Variants in EIF4E1B observed in about 807,000 individuals in gnomAD.
EIF4E1B encodes eukaryotic translation initiation factor 4E type 1B.
EIF4E1B carries 22 observed loss-of-function variants against 31.3 expected under a neutral mutation model. That is an observed-to-expected ratio of 0.70 (90% confidence interval 0.50 to 1.00). The LOEUF (loss-of-function observed/expected upper bound fraction) is 1.00. Ranked by LOEUF, EIF4E1B falls within the 50% of genes least tolerant of loss-of-function variation. The pLI, the probability that EIF4E1B is intolerant of heterozygous loss-of-function variation, is 0.00. For missense variants in EIF4E1B, 290 were observed against 311.6 expected (o/e 0.93, Z 0.52); for synonymous variants, 126 against 120.2 (o/e 1.05, Z -0.31).
intron 1 of EIF4E1B, chr5:176,641,668 G>C (rs1008700685): frequency 1.3e-5 from 2 of 152,400 alleles, no homozygotes; most frequent in Non-Finnish European, 2.9e-5. Context: ...ACGTACCAGG[G>C]CTTAAGGCTG....
Position 176,642,865 on chromosome 5 carries a change from C to CCCCCCCCCCCCCCCG in EIF4E1B, c.15+63_15+64insCCCCCCCCCCCCCCG, listed in dbSNP as rs56115420. Reference sequence around the variant, plus strand: ...GCCCCGCCCTCTCCCCCCCCCCCCCCGCCCCAGGTGGGCGGGGCAGGTGCT... The same window carrying CCCCCCCCCCCCCCCG: ...GCCCCGCCCTCTCCCCCCCCCCCCCCCCCCCCCCCCCCCCGGCCCCAGGTGGGCGGGGCAGGTGCT... On this transcript the variant is annotated intron_variant, in intron 3 of 8. Transcript: ENST00000318682. 1,257 of 1,172,242 alleles carry CCCCCCCCCCCCCCCG rather than the reference C, an allele frequency of 1.1e-3. 181 individuals carry two copies. Among genetic ancestry groups the CCCCCCCCCCCCCCCG allele is most frequent in the East Asian group, 4.9e-3 (104 of 21,300 alleles). The allele number at this position is 1,172,242 out of a possible 1,614,324, so 72.6% of individuals were successfully genotyped here. A position where few individuals can be genotyped will look rare whatever the true frequency, so the allele number is the denominator to read the frequency against.
intron 3 of EIF4E1B, 52 bp downstream of exon 3, chr5:176,642,854 C>CA (rs1760606805): frequency 1.1e-5 from 14 of 1,253,428 alleles, no homozygotes; most frequent in South Asian, 8.6e-5. Context: ...CGCCCTCTCC[C>CA]CCCCCCCCCC....
Position 176,645,084 on chromosome 5 carries a change from T to A in EIF4E1B, c.361-46T>A, listed in dbSNP as rs200511687. On this transcript the variant is annotated intron_variant, in intron 6 of 8. Transcript: ENST00000318682. The surrounding 1 kb of genome is among the most constrained non-coding windows in gnomAD (Gnocchi z 5.4). ...CCGGGATGGTGGGTGGGTCCCCATT[T>A]CCCTTTGAACACAGGGAGGCAGTTG... The A allele has an allele frequency of 2.4e-5, 37 of 1,513,880 alleles. No homozygotes were observed. In the South Asian group the frequency reaches 4.3e-4, roughly 18 times the overall value. The allele number at this position is 1,513,880 out of a possible 1,614,324, so 93.8% of individuals were successfully genotyped here.
intron 3 of EIF4E1B, 104 bp from the exon 4 acceptor site, chr5:176,642,978 G>A: frequency 6.6e-7 from 1 of 1,508,216 alleles, no homozygotes; most frequent in Non-Finnish European, 8.9e-7. Flanking sequence ...AAGGCCTTGT[G>A]AGTCCCCTGC....
chr5:176,644,300 TG>T, intron 5 of EIF4E1B, 75 bp from the exon 6 acceptor site: 1 of 1,469,014 alleles, frequency 6.8e-7, no homozygotes, highest in Non-Finnish European at 9.2e-7. Flanking sequence ...GATGAGGAGT[TG>T]GGAGGGCTGA....
chr5:176,643,847 G>C (rs1760642641), intron 5 of EIF4E1B, 113 bp downstream of exon 5: 1 of 1,142,878 alleles, frequency 8.7e-7, no homozygotes, highest in South Asian at 1.5e-5. Context: ...GAGGGCTGGG[G>C]CTTTGTGGGT....
intron 4 of EIF4E1B, 53 bp from the exon 5 acceptor site, chr5:176,643,586 G>A (rs1033578220): frequency 1.3e-6 from 2 of 1,535,404 alleles, no homozygotes; most frequent in East Asian, 2.4e-5. Flanking sequence ...GGTGCCCCGG[G>A]GGTGGACTTG....
chr5:176,642,834 AC>A (rs1370762226), intron 3 of EIF4E1B, 32 bp downstream of exon 3: 43 of 1,462,880 alleles, frequency 2.9e-5, no homozygotes, highest in Non-Finnish European at 3.9e-5. Flanking sequence ...CCCCCAGTGC[AC>A]CATGGCCCCG....
intron 1 of EIF4E1B, among the ~76,000 whole-genome samples, chr5:176,637,060 C>T (rs550234879): frequency 6.6e-6 from 1 of 152,342 alleles, no homozygotes; most frequent in South Asian, 2.1e-4. Flanking sequence ...ATCTATTGAC[C>T]AATCCTCCCT....
chr5:176,631,742 A>G (rs1561906944), intron 1 of EIF4E1B, among the ~76,000 whole-genome samples: 1 of 152,164 alleles, frequency 6.6e-6, no homozygotes, highest in Admixed American at 6.5e-5. Flanking sequence ...ACATTTTGGA[A>G]GGCAATCTGG....
In EIF4E1B at chr5:176,638,466, C is replaced by T. The variant is rs1380213118; in HGVS notation, c.-201-3577C>T. Among the ~76,000 whole-genome samples the T allele has an allele frequency of 2.6e-5, 4 of 152,156 alleles. No homozygotes were observed. Among genetic ancestry groups the T allele is most frequent in the African/African-American group, 9.7e-5 (4 of 41,430 alleles). Reference sequence around the variant, plus strand: ...ATAAACGAATAAGTAGTGTTAAGCGCTAAGAAGGAAATAGAACAGAGTGAT... The same window carrying T: ...ATAAACGAATAAGTAGTGTTAAGCGTTAAGAAGGAAATAGAACAGAGTGAT... On this transcript the variant is annotated intron_variant, in intron 1 of 8. Transcript: ENST00000318682. This position sits in a 1 kb window ranked among gnomAD's most constrained non-coding sequence, Gnocchi z 4.3.
In EIF4E1B at chr5:176,645,930, GAC is replaced by G. The variant is rs753850774; in HGVS notation, c.683_684del (p.Thr228SerfsTer47). 1 of 1,610,526 alleles carries G rather than the reference GAC, an allele frequency of 6.2e-7. No homozygotes were observed. The highest frequency in any genetic ancestry group is 8.5e-7 in the Non-Finnish European group (1 of 1,178,444). ...CATCATTGGGTACCAGGCCCATGCA[GAC>G]ACAGCCACCAAGAGCAACTCCCTAG... ...KTIIGYQAHA[D>X]TATKSNSLAK... On this transcript the variant is annotated frameshift_variant, in exon 9 of 9. Coordinates refer to ENST00000318682, the MANE Select transcript of EIF4E1B (RefSeq NM_001099408.2). LOFTEE classifies it high-confidence loss of function. This position sits in a 1 kb window ranked among gnomAD's most constrained non-coding sequence, Gnocchi z 5.4.
chr5:176,642,725 G>A lies in EIF4E1B; in HGVS notation c.-63G>A. The A allele has an allele frequency of 5.2e-6, 8 of 1,551,646 alleles. No homozygotes were observed. The highest frequency in any genetic ancestry group is 7.0e-6 in the Non-Finnish European group (8 of 1,147,104). ...TTACCTTCAGGTCTTGGCCCCCATG[G>A]TGTGGGGCTTGGTCACAGCTGCTTC... On this transcript the variant is annotated 5_prime_UTR_variant, in exon 3 of 9. It adds an upstream start codon to the 5' untranslated region. Transcript: ENST00000318682.
At chr5:176,635,761 G>A (rs1383119052) in intron 1 of EIF4E1B, among the ~76,000 whole-genome samples, 2 of 152,212 alleles carry the variant, frequency 1.3e-5, no homozygotes, top group Non-Finnish European at 2.9e-5. Flanking sequence ...GCAGACAGCA[G>A]GAAGAGGGGA....
At chr5:176,644,787 C>T (rs370360528) in intron 6 of EIF4E1B, among the ~76,000 whole-genome samples, 3 of 152,374 alleles carry the variant, frequency 2.0e-5, no homozygotes, top group African/African-American at 7.2e-5. Context: ...CCAGTGACTT[C>T]TGCCCTGCCT....
At chr5:176,642,859 C>CTCT in intron 3 of EIF4E1B, 57 bp downstream of exon 3, 2 of 1,300,338 alleles carry the variant, frequency 1.5e-6, no homozygotes, top group Non-Finnish European at 9.9e-7. Context: ...TCTCCCCCCC[C>CTCT]CCCCCCGCCC....
At chr5:176,636,277 T>G (rs1221702880) in intron 1 of EIF4E1B, among the ~76,000 whole-genome samples, 1 of 152,214 alleles carries the variant, frequency 6.6e-6, no homozygotes, top group Non-Finnish European at 1.5e-5. Flanking sequence ...GTGGCAAAGC[T>G]CGGGCTCGTG....
intron 1 of EIF4E1B, among the ~76,000 whole-genome samples, chr5:176,633,754 A>G (rs1760448733): frequency 6.6e-6 from 1 of 152,212 alleles, no homozygotes; most frequent in Non-Finnish European, 1.5e-5. Flanking sequence ...AGAAGGAGGA[A>G]GAGAGAAAGA....
chr5:176,632,584 T>C (rs940844825), intron 1 of EIF4E1B, among the ~76,000 whole-genome samples: 10 of 152,170 alleles, frequency 6.6e-5, no homozygotes, highest in South Asian at 2.1e-4. Context: ...CTGAGAAAAC[T>C]GTTAAAGGGA....
Sources: allele counts gnomAD v4.1 joint callset (sites outside exome capture counted in the v4.1 genomes callset), GRCh38; gene constraint gnomAD v4.1.1; non-coding constraint Gnocchi (gnomAD v3.1); transcripts MANE v1.5; gene names NCBI Gene and HGNC (gene_info 2026-07-23, HGNC 2026-07-21).